ATP2B2: variants seen among roughly 807,000 people sequenced by gnomAD.
ATP2B2 encodes plasma membrane calcium-transporting ATPase 2.
Under a neutral mutation model 120.0 loss-of-function variants are expected in ATP2B2, and 15 were observed. The observed-to-expected ratio is 0.12, with a 90% CI of 0.08 to 0.19. The LOEUF is 0.19. Ranked by LOEUF, ATP2B2 falls within the 10% of genes least tolerant of loss-of-function variation. The probability of loss-of-function intolerance (pLI) is 1.00; values close to 1 mark genes in which losing one functional copy is unlikely to be tolerated. For synonymous variants in ATP2B2, 694 were observed against 700.3 expected, an observed-to-expected ratio of 0.99 and a Z score of 0.14; for missense variants, 1,045 against 1,719.8, an observed-to-expected ratio of 0.61 and a Z score of 6.94.
intron 1 of ATP2B2, among the ~76,000 whole-genome samples, chr3:10,673,617 T>C (rs563880696): frequency 2.6e-5 from 4 of 151,240 alleles, no homozygotes; most frequent in East Asian, 2.0e-4. Context: ...CTGGGCAACA[T>C]AGCAAGACCT....
intron 1 of ATP2B2, among the ~76,000 whole-genome samples, chr3:10,451,099 A>G (rs1048599025): frequency 1.3e-5 from 2 of 152,214 alleles, no homozygotes; most frequent in Non-Finnish European, 2.9e-5. Flanking sequence ...TTCTAGGGCT[A>G]AGTCACTTTC....
At chr3:10,490,433 T>TCAGAGA (rs1330716697) in intron 1 of ATP2B2, among the ~76,000 whole-genome samples, 2 of 148,702 alleles carry the variant, frequency 1.3e-5, no homozygotes, top group African/African-American at 5.0e-5. Flanking sequence ...AGATGGAGTC[T>TCAGAGA]CTCTCTGTCG....
intron 1 of ATP2B2, among the ~76,000 whole-genome samples, chr3:10,491,958 C>T (rs1215680263): frequency 6.6e-6 from 1 of 152,112 alleles, no homozygotes; most frequent in Non-Finnish European, 1.5e-5. Context: ...AAAAGTGCAT[C>T]CCAGAATTGA....
intron 5 of ATP2B2, among the ~76,000 whole-genome samples, chr3:10,392,550 G>A (rs909181617): frequency 6.6e-6 from 1 of 152,236 alleles, no homozygotes; most frequent in South Asian, 2.1e-4. Context: ...CTCAAAGGAC[G>A]ACCACAGGGG....
rs527519247 is a variant in ATP2B2, at chr3:10,472,017, C to T, written c.-319-22155G>A. ...AATGGCGTGAACCCGGGAGGCGGAA[C>T]TTGGAGTGAGCCGAGATTGCGCCAC... On this transcript the variant is annotated intron_variant, in intron 1 of 22. Transcript: ENST00000360273. 5.0e-4 allele frequency among the ~76,000 whole-genome samples: 73 copies of T among 144,688 alleles called. 2 individuals carry two copies. The South Asian group carries it at 0.016, about 31-fold the overall frequency. 94.9% of individuals were successfully genotyped at this position (144,688 alleles called of 152,430 possible).
rs575967215 is a variant in ATP2B2 at position 10,543,775 on chromosome 3, G to C, written c.-414-9642C>G. Among the ~76,000 whole-genome samples, 8 of 148,560 alleles carry C rather than the reference G, an allele frequency of 5.4e-5. No homozygotes were observed. In the South Asian group the frequency reaches 1.3e-3, roughly 24 times the overall value. ...TTTTTTTGAGACAGAGTCTCACTCT[G>C]TCACCCAGGCTGGAGTGCAATGGCA... On this transcript the variant is annotated intron_variant, in intron 2 of 21. Coordinates refer to the ATP2B2 transcript ENST00000646379.
At chr3:10,646,374 C>G (rs1185358041) in intron 1 of ATP2B2, among the ~76,000 whole-genome samples, 2 of 152,164 alleles carry the variant, frequency 1.3e-5, no homozygotes, top group Non-Finnish European at 2.9e-5. Flanking sequence ...ACCGTCTCAT[C>G]CTGGAGACCC....
At position 10,658,242 on chromosome 3, in the gene ATP2B2, G is replaced by A. The variant is rs192732846; in HGVS notation, c.-459-38281C>T. Among the ~76,000 whole-genome samples the A allele has an allele frequency of 1.1e-4, 17 of 152,350 alleles. No homozygotes were observed. The East Asian group carries it at 1.7e-3, about 16-fold the overall frequency. ...CACCAGCAATGCAACATAGCTGGAC[G>A]GAGAATGACTTTGACGAGTTGAGAG... On this transcript the variant is annotated intron_variant, in intron 1 of 21. Coordinates refer to the ATP2B2 transcript ENST00000646379.
At chr3:10,425,760 T>G (rs2063128102) in intron 2 of ATP2B2, among the ~76,000 whole-genome samples, 1 of 152,202 alleles carries the variant, frequency 6.6e-6, no homozygotes, top group Non-Finnish European at 1.5e-5. Context: ...ATCTGCACAC[T>G]GGTCCAGGCC....
rs115501201 is a variant in ATP2B2 at position 10,521,227 on chromosome 3, C to T, written c.-320+12812G>A. On this transcript the variant is annotated intron_variant, in intron 3 of 21. Coordinates refer to the ATP2B2 transcript ENST00000646379. ...TCCTGCCAAGCCCTGCACCTGCCCC[C>T]ACACAAATCCTCACAGGGAAGCAGA... 2.2e-3 allele frequency among the ~76,000 whole-genome samples: 341 copies of T among 152,358 alleles called. 3 individuals are homozygous for T. Among genetic ancestry groups the T allele is most frequent in the African/African-American group, 7.9e-3 (328 of 41,590 alleles).
In ATP2B2 at chr3:10,342,285, G is replaced by A. The variant is rs1453556868; in HGVS notation, c.2917+467C>T. Among the ~76,000 whole-genome samples the A allele has an allele frequency of 1.3e-5, 2 of 152,326 alleles. No homozygotes were observed. The highest frequency in any genetic ancestry group is 3.4e-3 in the Middle Eastern group (1 of 294). ...CCTCACTGAGTGGAAGACCCAACCA[G>A]GCAGCCCAAGTGGAAGCATTGTGAG... On this transcript the variant is annotated intron_variant, in intron 19 of 22. Coordinates refer to ENST00000360273, the MANE Select transcript of ATP2B2 (RefSeq NM_001001331.4). This position sits in a 1 kb window ranked among gnomAD's most constrained non-coding sequence, Gnocchi z 4.4.
intron 1 of ATP2B2, among the ~76,000 whole-genome samples, chr3:10,652,502 G>A (rs968634486): frequency 6.6e-6 from 1 of 152,156 alleles, no homozygotes; most frequent in Admixed American, 6.5e-5. Flanking sequence ...ATCCAGGGAG[G>A]TCTTGGTGCA....
At chr3:10,418,112 G>A (rs537900865) in intron 2 of ATP2B2, among the ~76,000 whole-genome samples, 15 of 152,172 alleles carry the variant, frequency 9.9e-5, no homozygotes, top group African/African-American at 3.6e-4. Flanking sequence ...TTGCCTGCTT[G>A]GTAGCTCAGT....
rs559474236 is a variant in ATP2B2 at position 10,552,853 on chromosome 3, A to G, written c.-414-18720T>C. 8.9e-4 allele frequency among the ~76,000 whole-genome samples: 135 copies of G among 152,370 alleles called. No homozygotes were observed. The Middle Eastern group carries it at 0.01, about 12-fold the overall frequency. On this transcript the variant is annotated intron_variant, in intron 2 of 21. Transcript: ENST00000646379. Reference sequence around the variant, plus strand: ...TGAGGCCACAGACAGCTCAGGGCAGAAACACTCATTTTAGGCAGCTGTCAC... The same window carrying G: ...TGAGGCCACAGACAGCTCAGGGCAGGAACACTCATTTTAGGCAGCTGTCAC...
chr3:10,350,678 T>C, intron 14 of ATP2B2, 101 bp from the exon 15 acceptor site: 1 of 1,288,826 alleles, frequency 7.8e-7, no homozygotes, highest in Non-Finnish European at 1.1e-6. Context: ...GCAGCTCTAC[T>C]GAAAGGGGAC....
chr3:10,433,810 T>C (rs188702254), intron 2 of ATP2B2, among the ~76,000 whole-genome samples: 12 of 152,326 alleles, frequency 7.9e-5, no homozygotes, highest in African/African-American at 2.4e-4. Flanking sequence ...AAGCCTGTCT[T>C]GATTGCCCAC....
chr3:10,611,102 C>T (rs1215819669), intron 2 of ATP2B2, among the ~76,000 whole-genome samples: 1 of 152,232 alleles, frequency 6.6e-6, no homozygotes, highest in Middle Eastern at 3.2e-3. Flanking sequence ...AATCAAACAG[C>T]TCCAAATCCA....
chr3:10,669,246 T>A (rs2071029631), intron 1 of ATP2B2, among the ~76,000 whole-genome samples: 3 of 152,024 alleles, frequency 2.0e-5, no homozygotes, highest in African/African-American at 4.8e-5. Context: ...CAGGGCCACA[T>A]CTTTGGGGTT....
In ATP2B2 at chr3:10,410,468, C is replaced by T. The variant is rs7624673; in HGVS notation, c.397+150G>A. 28,082 of 998,302 alleles carry T rather than the reference C, an allele frequency of 0.028. 4,512 individuals carry two copies. In the African/African-American group the frequency reaches 0.37, roughly 13 times the overall value. 61.8% of individuals were successfully genotyped at this position (998,302 alleles called of 1,614,324 possible). A position where few individuals can be genotyped will look rare whatever the true frequency, so the allele number is the denominator to read the frequency against. ...GAGGCCTGGCTCGGCCACCCTTTGGCTGTGTTGGCTATGGGTGGGGCCCTG... is the reference window on the plus strand; with the variant it reads ...GAGGCCTGGCTCGGCCACCCTTTGGTTGTGTTGGCTATGGGTGGGGCCCTG... On this transcript the variant is annotated intron_variant, in intron 3 of 22. Coordinates refer to ENST00000360273, the MANE Select transcript of ATP2B2 (RefSeq NM_001001331.4).
Sources: allele counts gnomAD v4.1 joint callset (sites outside exome capture counted in the v4.1 genomes callset), GRCh38; gene constraint gnomAD v4.1.1; non-coding constraint Gnocchi (gnomAD v3.1); transcripts MANE v1.5; gene names NCBI Gene and HGNC (gene_info 2026-07-23, HGNC 2026-07-21).